PRH1: variants seen among roughly 807,000 people sequenced by gnomAD.
The protein encoded by PRH1 is proline rich protein HaeIII subfamily 1, also known as salivary acidic proline-rich phosphoprotein 1/2.
In PRH1, 7 loss-of-function variants were observed where a neutral mutation model predicts 7.9. The ratio of observed to expected loss-of-function variants is 0.89; its 90% CI spans 0.50 to 1.67. PRH1 has a LOEUF of 1.67. PRH1 is among the 40% of genes most tolerant of loss of function. The pLI is 0.00. For synonymous variants in PRH1, 45 were observed against 80.8 expected (o/e 0.56, Z 2.38); for missense variants, 109 against 223.6 (o/e 0.49, Z 3.27).
intron 1 of PRH1, among the ~76,000 whole-genome samples, chr12:11,101,341 T>A (rs963574995): frequency 2.0e-5 from 3 of 151,926 alleles, no homozygotes; most frequent in African/African-American, 7.3e-5. Context: ...ATAGAAAAAA[T>A]TAGCAGGGCG....
chr12:10,982,313 T>C (rs1328398433), intron 1 of PRH1, among the ~76,000 whole-genome samples: 2 of 152,190 alleles, frequency 1.3e-5, no homozygotes, highest in Non-Finnish European at 2.9e-5. Flanking sequence ...GGGGCGGTCG[T>C]CCATTTTATA....
At chr12:10,967,090 G>A (rs1378435352) in intron 2 of PRH1, among the ~76,000 whole-genome samples, 1 of 145,110 alleles carries the variant, frequency 6.9e-6, no homozygotes, top group Non-Finnish European at 1.5e-5. Flanking sequence ...ACTCCAGCCT[G>A]GGCGACAGAG....
chr12:11,147,199 A>G (rs1946889012), intron 1 of PRH1, among the ~76,000 whole-genome samples: 1 of 152,124 alleles, frequency 6.6e-6, no homozygotes, highest in South Asian at 2.1e-4. Flanking sequence ...CTCTTCATGT[A>G]TTGTTTTTGA....
intron 2 of PRH1, among the ~76,000 whole-genome samples, chr12:10,930,006 C>T (rs756505690): frequency 2.6e-4 from 39 of 152,142 alleles, no homozygotes; most frequent in Non-Finnish European, 4.1e-4. Flanking sequence ...AGCCCTTTAA[C>T]TAAATAAGCA....
At chr12:10,950,429 A>C (rs934536179) in intron 2 of PRH1, among the ~76,000 whole-genome samples, 1 of 151,986 alleles carries the variant, frequency 6.6e-6, no homozygotes, top group Non-Finnish European at 1.5e-5. Context: ...AATATTATTA[A>C]ACTTAACATT....
At position 10,931,198 on chromosome 12, in the gene PRH1, C is replaced by T. The variant is rs1591691981; in HGVS notation, c.-59+42457G>A. 5 of 1,527,224 alleles carry T rather than the reference C, an allele frequency of 3.3e-6. No homozygotes were observed. The South Asian group carries it at 3.9e-5, about 12-fold the overall frequency. The allele number at this position is 1,527,224 out of a possible 1,614,324, so 94.6% of individuals were successfully genotyped here. A position where few individuals can be genotyped will look rare whatever the true frequency, so the allele number is the denominator to read the frequency against. Reference sequence around the variant, plus strand: ...TTTCCGTGTCCTGGAACACATTTCTCATGAGTTTTGTTCAAATATTCTGGG... The same window carrying T: ...TTTCCGTGTCCTGGAACACATTTCTTATGAGTTTTGTTCAAATATTCTGGG... On this transcript the variant is annotated intron_variant, in intron 2 of 3. Transcript: ENST00000539853.
At chr12:11,064,210 T>A (rs1943718450) in intron 1 of PRH1, among the ~76,000 whole-genome samples, 1 of 152,176 alleles carries the variant, frequency 6.6e-6, no homozygotes, top group South Asian at 2.1e-4. Flanking sequence ...ACCAACTAGG[T>A]ATGCAACCCT....
intron 2 of PRH1, among the ~76,000 whole-genome samples, chr12:10,947,463 T>G (rs1950505833): frequency 6.6e-6 from 1 of 152,192 alleles, no homozygotes; most frequent in Admixed American, 6.5e-5. Flanking sequence ...CCCCCTTTTT[T>G]CTGTTTTCCA....
At chr12:11,143,076 G>A (rs1236037071) in intron 1 of PRH1, among the ~76,000 whole-genome samples, 2 of 151,850 alleles carry the variant, frequency 1.3e-5, no homozygotes, top group East Asian at 3.9e-4. Context: ...AATGTGGTGT[G>A]TAAACCTCGC....
At chr12:11,005,413 G>C (rs1474531268) in intron 1 of PRH1, among the ~76,000 whole-genome samples, 2 of 152,074 alleles carry the variant, frequency 1.3e-5, no homozygotes, top group East Asian at 3.9e-4. Flanking sequence ...TCCTACATTG[G>C]ATATCTAAAT....
intron 1 of PRH1, among the ~76,000 whole-genome samples, chr12:11,154,443 T>C (rs983518105): frequency 7.2e-5 from 11 of 152,130 alleles, no homozygotes; most frequent in Admixed American, 5.9e-4. Context: ...TTAAGTATAC[T>C]CTTAATTGGG....
chr12:10,938,499 A>G (rs1836537118), intron 2 of PRH1: 1 of 1,613,972 alleles, frequency 6.2e-7, no homozygotes. Flanking sequence ...TAGAGTAGGA[A>G]GAAAGTGATC....
Position 11,031,921 on chromosome 12 carries a change from G to A in PRH1, c.-126+15099C>T, listed in dbSNP as rs560366570. ...AATATCCTGACCTTAAATTCTATAT[G>A]CACCTGATTTGTGAATGTGCTGTGA... On this transcript the variant is annotated intron_variant, in intron 1 of 3. Transcript: ENST00000539853. Among the ~76,000 whole-genome samples, 16 of 152,266 alleles carry A rather than the reference G, an allele frequency of 1.1e-4. No individual in the cohort carries two copies. The South Asian group carries it at 3.1e-3, about 30-fold the overall frequency.
upstream of PRH1, among the ~76,000 whole-genome samples, chr12:10,887,869 T>G (rs1949516712): frequency 6.6e-6 from 1 of 152,232 alleles, no homozygotes; most frequent in Non-Finnish European, 1.5e-5. Context: ...TAGCAAATTG[T>G]TCATTAGCCA....
chr12:11,000,572 C>A (rs1346835434), intron 1 of PRH1, among the ~76,000 whole-genome samples: 1 of 152,026 alleles, frequency 6.6e-6, no homozygotes, highest in Non-Finnish European at 1.5e-5. Context: ...TCTTGTCTGA[C>A]CTTTGATGGT....
intron 1 of PRH1, among the ~76,000 whole-genome samples, chr12:11,028,928 T>G (rs1942045742): frequency 3.7e-5 from 1 of 26,986 alleles, no homozygotes; most frequent in Admixed American, 6.0e-4. Context: ...AGATTTTGTG[T>G]GAGTTTCCTT....
intron 1 of PRH1, chr12:11,061,896 T>G (rs777303558): frequency 1.3e-6 from 2 of 1,534,378 alleles, no homozygotes; most frequent in Non-Finnish European, 1.8e-6. Flanking sequence ...AAGGCCCCAA[T>G]AGTATCACCA....
chr12:11,149,912 C>A (rs1947009864), intron 1 of PRH1, among the ~76,000 whole-genome samples: 2 of 136,006 alleles, frequency 1.5e-5, no homozygotes, highest in South Asian at 4.5e-4. Context: ...ATTTTCGCAA[C>A]CTACTCATCT....
At chr12:10,928,271 C>G (rs973472208) in intron 2 of PRH1, among the ~76,000 whole-genome samples, 8 of 152,142 alleles carry the variant, frequency 5.3e-5, no homozygotes, top group Non-Finnish European at 8.8e-5. Flanking sequence ...AAACAGAAGA[C>G]CAATCAAGGC....
Sources: gnomAD v4.1 joint callset for allele counts (sites outside exome capture counted in the v4.1 genomes callset) on GRCh38, gnomAD v4.1.1 for gene constraint, MANE v1.5 for transcripts, NCBI Gene and HGNC (gene_info 2026-07-23, HGNC 2026-07-21) for gene names.